The following ZNF133 variants were observed in gnomAD, a reference collection of about 807,000 sequenced individuals.
The protein encoded by ZNF133 is zinc finger protein 133, also known as zinc finger protein 133 (clone pHZ-13).
ZNF133 carries 26 observed loss-of-function variants against 54.9 expected under a neutral mutation model. The ratio of observed to expected loss-of-function variants is 0.47; its 90% CI spans 0.35 to 0.66. ZNF133 has a LOEUF of 0.66. Ranked by LOEUF, ZNF133 falls within the 30% of genes least tolerant of loss-of-function variation. ZNF133 has a pLI of 0.01. For missense variants in ZNF133, 653 were observed against 820.8 expected (o/e 0.80, Z 2.50); for synonymous variants, 298 against 320.3 (o/e 0.93, Z 0.74).
At position 18,315,795 on chromosome 20, in the gene ZNF133, T is replaced by C. The variant is rs375642521; in HGVS notation, c.944T>C (p.Ile315Thr). The C allele has an allele frequency of 3.1e-6, 5 of 1,600,114 alleles. No individual in the cohort carries two copies. Among genetic ancestry groups the C allele is most frequent in the Non-Finnish European group, 4.3e-6 (5 of 1,174,462 alleles). Residue 315 changes from isoleucine (I) to threonine (T), a missense_variant, in exon 7 of 7, where the codon ATA (isoleucine) becomes ACA (threonine). Ile to Thr is a moderately conservative substitution (Grantham distance 89, BLOSUM62 -1). Transcript: ENST00000425686. ...TTCAGCCAGAAGTCAAACCTCATCA[T>C]ACACCAGAGGACACACTCAGGGGAA... The part of the protein sequence containing the change: ...RGFSQKSNLI[I>T]HQRTHSGEKP...
In ZNF133 at chr20:18,298,355, TC is replaced by T; in HGVS notation, c.-283del. ...GAACGGGAAGATTCTGGAATCTGTG[TC>T]CCCACCTAGACAACGATTATACTGG... is the stretch of plus-strand genomic sequence containing the variant. On this transcript the variant is annotated 5_prime_UTR_variant, in exon 3 of 7. It removes the in-frame stop codon of an upstream open reading frame in the 5' UTR. Coordinates refer to ENST00000425686, the MANE Select transcript of ZNF133 (RefSeq NM_001352452.2). 7.9e-7 allele frequency: 1 copy of T among 1,273,478 alleles called. No homozygotes were observed. The highest frequency in any genetic ancestry group is 9.9e-7 in the Non-Finnish European group (1 of 1,006,202). 78.9% of individuals were successfully genotyped at this position (1,273,478 alleles called of 1,614,324 possible).
chr20:18,315,647 G>A lies in ZNF133; in HGVS notation c.796G>A (p.Gly266Arg), dbSNP rs1365262940. The stretch of plus-strand genomic sequence containing the variant: ...CGCCAGACACCAGAAGGCACACTCG[G>A]GGGAGAAGCCAATTGTGTGCAGGGA... ...SLARHQKAHSGEKPIVCRECG... is the reference protein window; with the variant it reads ...SLARHQKAHSREKPIVCRECG... The change falls in exon 7 of 7, where the codon GGG becomes AGG. Residue 266 changes from glycine (G) to arginine (R), a missense_variant. Gly to Arg is a moderately radical substitution (Grantham distance 125). This residue lies in a region of ZNF133 where 292 missense variants were observed against 431.6 expected (regional missense o/e 0.68). Coordinates refer to ENST00000425686, the MANE Select transcript of ZNF133 (RefSeq NM_001352452.2). The A allele has an allele frequency of 6.2e-7, 1 of 1,613,958 alleles. No individual in the cohort carries two copies. Among genetic ancestry groups the A allele is most frequent in the East Asian group, 2.2e-5 (1 of 44,878 alleles).
intron 1 of ZNF133, among the ~76,000 whole-genome samples, chr20:18,291,122 T>A (rs950358053): frequency 4.6e-5 from 7 of 152,180 alleles, no homozygotes; most frequent in African/African-American, 2.4e-5. Context: ...TGCATTCTTC[T>A]CGATTCCTTT....
chr20:18,302,728 T>C (rs928055000), intron 3 of ZNF133, among the ~76,000 whole-genome samples: 1 of 152,154 alleles, frequency 6.6e-6, no homozygotes, highest in African/African-American at 2.4e-5. Context: ...GCCATCTGAA[T>C]GGGAAAAAGC....
At chr20:18,313,078 C>G (rs1372436708) in intron 6 of ZNF133, 2 of 152,092 alleles carry the variant, frequency 1.3e-5, no homozygotes, top group Non-Finnish European at 2.9e-5. Context: ...CCATTAGTCT[C>G]TATAAACCTA....
intron 3 of ZNF133, among the ~76,000 whole-genome samples, chr20:18,302,033 G>A (rs530390713): frequency 1.8e-4 from 28 of 152,244 alleles, no homozygotes; most frequent in African/African-American, 2.6e-4. Flanking sequence ...TTCAACAAGC[G>A]TTTGAAAAGA....
Position 18,307,133 on chromosome 20 carries a change from T to C in ZNF133, c.217+740T>C, listed in dbSNP as rs569039049. On this transcript the variant is annotated intron_variant, in intron 6 of 6. Transcript: ENST00000425686. Reference sequence around the variant, plus strand: ...TATTACAATGTTAAAATGTTTGTTTTAAATGTTCATCTGGATTTGTTTTCT... The same window carrying C: ...TATTACAATGTTAAAATGTTTGTTTCAAATGTTCATCTGGATTTGTTTTCT... Among the ~76,000 whole-genome samples the C allele has an allele frequency of 1.1e-4, 17 of 152,368 alleles. 1 individual carries two copies. Among genetic ancestry groups the C allele is most frequent in the African/African-American group, 4.1e-4 (17 of 41,584 alleles).
chr20:18,306,150 A>T (rs976412614), intron 5 of ZNF133, 148 bp from the exon 6 acceptor site: 6 of 695,138 alleles, frequency 8.6e-6, no homozygotes, highest in Non-Finnish European at 1.4e-5. Flanking sequence ...CTGCCCACTC[A>T]TCCCTTCCAT....
At chr20:18,297,585 T>A (rs1221165358) in intron 1 of ZNF133, among the ~76,000 whole-genome samples, 2 of 152,132 alleles carry the variant, frequency 1.3e-5, no homozygotes, top group African/African-American at 4.8e-5. Flanking sequence ...TTTCATTTTT[T>A]TTAATAGACT....
chr20:18,306,307 T>C lies in ZNF133; in HGVS notation c.131T>C (p.Phe44Ser). ...CTTTTCCTGTGAGCAGGAATTTCATTTTCTAAACCAGAACTCATCACCCAG... is the reference window on the plus strand; with the variant it reads ...CTTTTCCTGTGAGCAGGAATTTCATCTTCTAAACCAGAACTCATCACCCAG... ...YSNLVSLGIS[F>S]SKPELITQLE... The change falls in exon 6 of 7, where the codon TTT (phenylalanine) becomes TCT (serine). Residue 44 changes from phenylalanine to serine, a missense_variant. This residue lies in a region of ZNF133 where 227 missense variants were observed against 233.9 expected (regional missense o/e 0.97). Transcript: ENST00000425686. 2 of 1,613,580 alleles carry C rather than the reference T, an allele frequency of 1.2e-6. No homozygotes were observed. Among genetic ancestry groups the C allele is most frequent in the Non-Finnish European group, 1.7e-6 (2 of 1,179,762 alleles).
chr20:18,295,613 G>C (rs1025905349), intron 1 of ZNF133, among the ~76,000 whole-genome samples: 1 of 151,896 alleles, frequency 6.6e-6, no homozygotes, highest in Non-Finnish European at 1.5e-5. Flanking sequence ...GCTTTCTTTT[G>C]GGTTACTTTA....
At chr20:18,297,665 G>A (rs545549772) in intron 1 of ZNF133, among the ~76,000 whole-genome samples, 98 of 152,134 alleles carry the variant, frequency 6.4e-4, no homozygotes, top group Admixed American at 2.9e-3. Context: ...GATTTCCCTA[G>A]TTCAGGAAAA....
At chr20:18,310,011 C>T (rs769078861) in intron 6 of ZNF133, among the ~76,000 whole-genome samples, 1 of 152,118 alleles carries the variant, frequency 6.6e-6, no homozygotes, top group African/African-American at 2.4e-5. Context: ...TGCTATACAC[C>T]CTGACCTTTG....
rs181323790 is a variant in ZNF133, at chr20:18,304,886, C to T, written c.-177-122C>T. Reference sequence around the variant, plus strand: ...TCCTTTGCTCATAATGTCCTTGTCCCTGCTCCCCACATGCCTCATCTGTAG... The same window carrying T: ...TCCTTTGCTCATAATGTCCTTGTCCTTGCTCCCCACATGCCTCATCTGTAG... On this transcript the variant is annotated intron_variant, in intron 3 of 6. Coordinates refer to ENST00000425686, the MANE Select transcript of ZNF133 (RefSeq NM_001352452.2). 3.6e-4 allele frequency: 223 copies of T among 620,694 alleles called. 2 individuals are homozygous for T. The African/African-American group carries it at 3.8e-3, about 11-fold the overall frequency. 38.4% of individuals were successfully genotyped at this position (620,694 alleles called of 1,614,324 possible). A position where few individuals can be genotyped will look rare whatever the true frequency, so the allele number is the denominator to read the frequency against.
chr20:18,308,357 G>A (rs138936786), intron 6 of ZNF133, among the ~76,000 whole-genome samples: 406 of 152,052 alleles, frequency 2.7e-3, no homozygotes, highest in Non-Finnish European at 4.4e-3. Context: ...ATAAATTGTC[G>A]CTGTTTTTCA....
At chr20:18,306,684 CTT>C in intron 6 of ZNF133, 3 of 1,326,318 alleles carry the variant, frequency 2.3e-6, no homozygotes, top group African/African-American at 1.5e-5. Context: ...GCTTCTTTCT[CTT>C]GTTACTGTTT....
At chr20:18,310,451 A>G (rs1348853498) in intron 6 of ZNF133, 3 of 945,484 alleles carry the variant, frequency 3.2e-6, no homozygotes, top group East Asian at 3.0e-5. Flanking sequence ...TGCTAATTCA[A>G]TAAATGTAAC....
In ZNF133 at chr20:18,305,605, A is replaced by G; in HGVS notation, c.-6-76A>G. ...ATATCTCACCTGCCTCCCCCAGGGC[A>G]GCCTTATCCCTGCCCCTCACCCTGC... On this transcript the variant is annotated intron_variant, in intron 4 of 6. Transcript: ENST00000425686. The surrounding 1 kb of genome is among the most constrained non-coding windows in gnomAD (Gnocchi z 4.7). 1 of 1,606,588 alleles carries G rather than the reference A, an allele frequency of 6.2e-7. No homozygotes were observed. Among genetic ancestry groups the G allele is most frequent in the Non-Finnish European group, 8.5e-7 (1 of 1,177,482 alleles).
chr20:18,305,994 G>C lies in ZNF133; in HGVS notation c.121+187G>C, dbSNP rs2044484132. Among the ~76,000 whole-genome samples the C allele has an allele frequency of 6.6e-6, 1 of 152,204 alleles. No individual in the cohort carries two copies. Among genetic ancestry groups the C allele is most frequent in the Admixed American group, 6.5e-5 (1 of 15,284 alleles). On this transcript the variant is annotated intron_variant, in intron 5 of 6. Transcript: ENST00000425686. This position sits in a 1 kb window ranked among gnomAD's most constrained non-coding sequence, Gnocchi z 4.7. The stretch of plus-strand genomic sequence containing the variant: ...AAATGGGTAGATTTGTTGTGTGTGT[G>C]CATATGTGTATTGTGTGTGCTACTC...
Sources: allele counts gnomAD v4.1 joint callset (sites outside exome capture counted in the v4.1 genomes callset), GRCh38; gene constraint gnomAD v4.1.1; regional missense constraint gnomAD v4.1.1; non-coding constraint Gnocchi (gnomAD v3.1); transcripts MANE v1.5; gene names NCBI Gene and HGNC (gene_info 2026-07-23, HGNC 2026-07-21).